CHST9: variants seen among roughly 807,000 people sequenced by gnomAD.
The protein encoded by CHST9 is carbohydrate sulfotransferase 9, also known as GalNAc-4-sulfotransferase 2.
In CHST9, 41 loss-of-function variants were observed where a neutral mutation model predicts 44.4. The observed-to-expected ratio is 0.92, with a 90% CI of 0.72 to 1.20. The LOEUF (loss-of-function observed/expected upper bound fraction) is 1.20, where lower values mean the gene tolerates loss of function less well. Ranked by LOEUF, CHST9 falls within the 50% of genes most tolerant of loss-of-function variation. CHST9 has a pLI of 0.00. For missense variants in CHST9, 504 were observed against 516.5 expected (o/e 0.98, Z 0.23); for synonymous variants, 171 against 178.4 (o/e 0.96, Z 0.33).
chr18:26,969,468 GTATA>G (rs1215647604), intron 4 of CHST9, among the ~76,000 whole-genome samples: 1 of 151,872 alleles, frequency 6.6e-6, no homozygotes, highest in Non-Finnish European at 1.5e-5. Context: ...TGGGTTGTGA[GTATA>G]TATTTGGCAA....
chr18:27,040,764 C>T lies in CHST9; in HGVS notation c.160+7701G>A, dbSNP rs534410264. ...GCACAGTATACAAGTATATCATTTACAGTTGATTAAAATGTTTGTGGTCAT... is the reference window on the plus strand; with the variant it reads ...GCACAGTATACAAGTATATCATTTATAGTTGATTAAAATGTTTGTGGTCAT... On this transcript the variant is annotated intron_variant, in intron 3 of 5. Coordinates refer to ENST00000618847, the MANE Select transcript of CHST9 (RefSeq NM_031422.6). 2.0e-5 allele frequency among the ~76,000 whole-genome samples: 3 copies of T among 152,232 alleles called. No homozygotes were observed. The South Asian group carries it at 6.2e-4, about 32-fold the overall frequency.
intron 3 of CHST9, among the ~76,000 whole-genome samples, chr18:27,033,493 TG>T (rs2057361530): frequency 6.6e-6 from 1 of 152,222 alleles, no homozygotes; most frequent in Non-Finnish European, 1.5e-5. Context: ...AGGTCCTGGC[TG>T]AAGAGGAGCT....
At chr18:26,967,525 G>A (rs775229682) in intron 4 of CHST9, among the ~76,000 whole-genome samples, 7 of 152,050 alleles carry the variant, frequency 4.6e-5, no homozygotes, top group Non-Finnish European at 8.8e-5. Context: ...ATAATTTTGT[G>A]GGCAGATAAC....
At chr18:26,934,241 T>G (rs35311825) in intron 5 of CHST9, 1 of 151,490 alleles carries the variant, frequency 6.6e-6, no homozygotes, top group Non-Finnish European at 1.5e-5. Flanking sequence ...TTCTTTCTTT[T>G]TTTTTTTTTT....
intron 2 of CHST9, among the ~76,000 whole-genome samples, chr18:27,076,166 C>A (rs1314087745): frequency 6.6e-6 from 1 of 152,160 alleles, no homozygotes; most frequent in Non-Finnish European, 1.5e-5. Flanking sequence ...TCTAAATGTG[C>A]AATTTCAAGA....
chr18:26,947,275 G>A (rs2056178359), intron 4 of CHST9, among the ~76,000 whole-genome samples: 1 of 152,074 alleles, frequency 6.6e-6, no homozygotes, highest in African/African-American at 2.4e-5. Context: ...TATTCTCTTT[G>A]TAGCTGTTGT....
chr18:27,065,749 C>T (rs749808952), intron 2 of CHST9, among the ~76,000 whole-genome samples: 10 of 151,836 alleles, frequency 6.6e-5, no homozygotes, highest in Non-Finnish European at 1.0e-4. Flanking sequence ...TTTTAGGAAA[C>T]GAAAAGAAAA....
intron 1 of CHST9, 21 bp downstream of exon 1, chr18:27,185,115 C>T (rs899180452): frequency 9.2e-5 from 14 of 152,112 alleles, no homozygotes; most frequent in Non-Finnish European, 1.8e-4. Flanking sequence ...CCAGCCCCAA[C>T]CCCAGCCCCA....
chr18:27,043,214 C>T (rs2143539948), intron 3 of CHST9, among the ~76,000 whole-genome samples: 1 of 152,094 alleles, frequency 6.6e-6, no homozygotes, highest in South Asian at 2.1e-4. Context: ...TGTCTCTTTT[C>T]TCACTCCTGA....
intron 2 of CHST9, among the ~76,000 whole-genome samples, chr18:27,116,031 G>C (rs1357423155): frequency 1.3e-5 from 2 of 152,016 alleles, no homozygotes; most frequent in Non-Finnish European, 2.9e-5. Context: ...GTATATTCTA[G>C]TTACAAGTGG....
At chr18:27,160,911 G>C (rs1300589455) in intron 1 of CHST9, among the ~76,000 whole-genome samples, 1 of 152,184 alleles carries the variant, frequency 6.6e-6, no homozygotes, top group Non-Finnish European at 1.5e-5. Flanking sequence ...GGTGTTTGTA[G>C]TATTCTCTGA....
chr18:27,022,240 G>A (rs535723100), intron 4 of CHST9, among the ~76,000 whole-genome samples: 2 of 152,218 alleles, frequency 1.3e-5, no homozygotes, highest in African/African-American at 2.4e-5. Context: ...TCCCATGCTT[G>A]TTCACAGTAT....
intron 5 of CHST9, among the ~76,000 whole-genome samples, chr18:26,942,331 T>C (rs959322194): frequency 1.3e-5 from 2 of 152,182 alleles, no homozygotes; most frequent in African/African-American, 4.8e-5. Flanking sequence ...ATTAGAAATA[T>C]AAGCAATGAT....
intron 2 of CHST9, among the ~76,000 whole-genome samples, chr18:27,127,021 T>C (rs1271575786): frequency 6.6e-6 from 1 of 152,158 alleles, no homozygotes; most frequent in Non-Finnish European, 1.5e-5. Flanking sequence ...GTGGAGCCAT[T>C]GCACCACTAC....
intron 5 of CHST9, among the ~76,000 whole-genome samples, chr18:26,923,768 C>A (rs1267186947): frequency 1.3e-5 from 2 of 152,060 alleles, no homozygotes; most frequent in East Asian, 3.9e-4. Flanking sequence ...AAAAATGTGA[C>A]AATTGCTATA....
intron 2 of CHST9, among the ~76,000 whole-genome samples, chr18:27,087,897 T>C (rs1470119418): frequency 2.0e-5 from 3 of 152,214 alleles, no homozygotes; most frequent in Non-Finnish European, 4.4e-5. Context: ...ATCTGTGTGT[T>C]AATGAGCAAT....
intron 1 of CHST9, among the ~76,000 whole-genome samples, chr18:27,184,551 G>C (rs913991116): frequency 2.6e-5 from 4 of 151,678 alleles, no homozygotes; most frequent in African/African-American, 9.7e-5. Context: ...GATCGCACCT[G>C]GCCTCCCGGT....
At chr18:27,098,291 T>G (rs2058137330) in intron 2 of CHST9, among the ~76,000 whole-genome samples, 1 of 151,966 alleles carries the variant, frequency 6.6e-6, no homozygotes, top group Admixed American at 6.6e-5. Context: ...TGACAATGAT[T>G]AGAAAGTCAG....
intron 2 of CHST9, among the ~76,000 whole-genome samples, chr18:27,065,688 A>G (rs971176781): frequency 6.6e-6 from 1 of 151,716 alleles, no homozygotes; most frequent in Non-Finnish European, 1.5e-5. Context: ...ATATATAAAT[A>G]TGGTAGTCAG....
Sources: allele counts gnomAD v4.1 joint callset (sites outside exome capture counted in the v4.1 genomes callset), GRCh38; gene constraint gnomAD v4.1.1; transcripts MANE v1.5; gene names NCBI Gene and HGNC (gene_info 2026-07-23, HGNC 2026-07-21).